STON1: variants seen among roughly 807,000 people sequenced by gnomAD.
STON1 encodes stonin 1, also known as stonin-1.
Under a neutral mutation model 60.9 loss-of-function variants are expected in STON1, and 79 were observed. The ratio of observed to expected loss-of-function variants is 1.30; its 90% CI spans 1.08 to 1.56. The LOEUF (loss-of-function observed/expected upper bound fraction) is 1.56. Among genes scored for constraint, STON1 ranks in the 40% most tolerant of loss-of-function variants. The pLI is 0.00. For synonymous variants in STON1, 363 were observed against 306.9 expected, an observed-to-expected ratio of 1.18 and a Z score of -1.91; for missense variants, 1,166 against 858.9, an observed-to-expected ratio of 1.36 and a Z score of -4.47.
chr2:48,538,080 A>G (rs1671503667), intron 1 of STON1, among the ~76,000 whole-genome samples: 1 of 151,548 alleles, frequency 6.6e-6, no homozygotes, highest in East Asian at 2.0e-4. Flanking sequence ...CAGCCTCCTT[A>G]GTAGCTGGGA....
intron 1 of STON1, among the ~76,000 whole-genome samples, chr2:48,558,536 A>G (rs1672477144): frequency 6.6e-6 from 1 of 152,232 alleles, no homozygotes; most frequent in Non-Finnish European, 1.5e-5. Context: ...TTAGGCAGCC[A>G]GAGAAGAGAT....
At position 48,582,472 on chromosome 2, in the gene STON1, T is replaced by A; in HGVS notation, c.1839T>A (p.Pro613=). The change falls in exon 2 of 4, where the codon CCT becomes CCA. Residue 613 remains proline, a synonymous_variant. Coordinates refer to ENST00000404752, the MANE Select transcript of STON1 (RefSeq NM_006873.4). ...GTTTACAGGAACTTGAATCTGAACC[T>A]GTCATTCAAGTCACTGTGGGGTCAG... ...LGSLQELESE[P]VIQVTVGSAK... The A allele has an allele frequency of 2.5e-6, 4 of 1,614,224 alleles. No homozygotes were observed. Among genetic ancestry groups the A allele is most frequent in the Non-Finnish European group, 3.4e-6 (4 of 1,180,038 alleles).
chr2:48,594,320 G>T (rs1194466830), intron 3 of STON1, among the ~76,000 whole-genome samples: 1 of 152,200 alleles, frequency 6.6e-6, no homozygotes, highest in Admixed American at 6.5e-5. Flanking sequence ...CACAGGGCAT[G>T]CCAGGTTCAT....
chr2:48,590,636 A>AAC (rs6146756), intron 2 of STON1, among the ~76,000 whole-genome samples: 11 of 142,118 alleles, frequency 7.7e-5, no homozygotes, highest in East Asian at 2.1e-4. Context: ...ATTTCCTTAT[A>AAC]ACACACACAC....
chr2:48,565,304 G>A (rs6709043), intron 1 of STON1, among the ~76,000 whole-genome samples: 49,764 of 151,534 alleles, frequency 0.33, 8,289 homozygotes, highest in East Asian at 0.4. Flanking sequence ...CACCCGCCTC[G>A]GCCTCCCAAA....
intron 2 of STON1, among the ~76,000 whole-genome samples, chr2:48,583,798 G>A (rs1432364121): frequency 1.3e-5 from 2 of 150,024 alleles, no homozygotes; most frequent in Admixed American, 1.3e-4. Context: ...TCTCACCCAG[G>A]TGGAGTGCGG....
intron 1 of STON1, among the ~76,000 whole-genome samples, chr2:48,539,752 C>T (rs760415293): frequency 2.0e-5 from 3 of 152,070 alleles, no homozygotes; most frequent in Admixed American, 6.6e-5. Context: ...GGATTACAGG[C>T]GTGAGCCACT....
At chr2:48,573,527 G>A (rs1673325339) in intron 1 of STON1, among the ~76,000 whole-genome samples, 1 of 152,166 alleles carries the variant, frequency 6.6e-6, no homozygotes, top group East Asian at 1.9e-4. Context: ...GAGTGACAGA[G>A]TGGTGCCCAG....
intron 1 of STON1, among the ~76,000 whole-genome samples, chr2:48,563,341 C>G (rs1455261802): frequency 1.3e-5 from 2 of 152,218 alleles, no homozygotes; most frequent in East Asian, 3.9e-4. Flanking sequence ...AGGTCAAAAG[C>G]AAGAGCTCAT....
chr2:48,539,753 G>A (rs1372018356), intron 1 of STON1, among the ~76,000 whole-genome samples: 3 of 152,026 alleles, frequency 2.0e-5, no homozygotes. Context: ...GATTACAGGC[G>A]TGAGCCACTG....
intron 2 of STON1, among the ~76,000 whole-genome samples, chr2:48,584,189 C>T (rs577880970): frequency 6.6e-6 from 1 of 152,178 alleles, no homozygotes; most frequent in East Asian, 1.9e-4. Flanking sequence ...TTAAGCTCAT[C>T]TAGGCCCCTC....
At chr2:48,537,418 G>A (rs749619479) in intron 1 of STON1, among the ~76,000 whole-genome samples, 5 of 152,130 alleles carry the variant, frequency 3.3e-5, no homozygotes, top group Admixed American at 3.3e-4. Context: ...GATAAGATGA[G>A]CGTATTAATT....
chr2:48,574,116 C>T (rs1396759176), intron 1 of STON1, among the ~76,000 whole-genome samples: 1 of 151,996 alleles, frequency 6.6e-6, no homozygotes, highest in Admixed American at 6.6e-5. Flanking sequence ...TGGCTCACAC[C>T]TGTAATCCCA....
At chr2:48,535,070 TTA>T (rs1421380647) in intron 1 of STON1, among the ~76,000 whole-genome samples, 2 of 152,052 alleles carry the variant, frequency 1.3e-5, no homozygotes, top group African/African-American at 4.8e-5. Context: ...ATCAGGCAAA[TTA>T]TGTCTTCAGA....
intron 1 of STON1, among the ~76,000 whole-genome samples, chr2:48,537,479 G>A (rs1476898901): frequency 6.6e-6 from 1 of 152,098 alleles, no homozygotes; most frequent in Non-Finnish European, 1.5e-5. Flanking sequence ...TATTCTGTAG[G>A]GTATCGGTTG....
chr2:48,572,526 C>T (rs1012609585), intron 1 of STON1, among the ~76,000 whole-genome samples: 1 of 152,106 alleles, frequency 6.6e-6, no homozygotes, highest in African/African-American at 2.4e-5. Context: ...AAGTAATGGG[C>T]TTGATTTCTT....
chr2:48,586,983 G>A (rs940918238), intron 2 of STON1, among the ~76,000 whole-genome samples: 1 of 152,160 alleles, frequency 6.6e-6, no homozygotes, highest in Non-Finnish European at 1.5e-5. Flanking sequence ...GTGGTGGATA[G>A]GTGGGCAATG....
intron 1 of STON1, among the ~76,000 whole-genome samples, chr2:48,554,716 T>TGGTAGTCTTTGAAATTCAATAAAG (rs1196623137): frequency 1.3e-4 from 11 of 82,200 alleles, no homozygotes; most frequent in South Asian, 3.6e-4. Context: ...AATTTTTTTT[T>TGGTAGTCTTTGAAATTCAATAAAG]TTTTTTTTTA....
At chr2:48,582,882 A>G (rs1024771562) in intron 2 of STON1, among the ~76,000 whole-genome samples, 1 of 152,206 alleles carries the variant, frequency 6.6e-6, no homozygotes, top group Non-Finnish European at 1.5e-5. Flanking sequence ...ATCAACTTCA[A>G]ATGTTAAAAA....
Sources: gnomAD v4.1 joint callset for allele counts (sites outside exome capture counted in the v4.1 genomes callset) on GRCh38, gnomAD v4.1.1 for gene constraint, MANE v1.5 for transcripts, NCBI Gene and HGNC (gene_info 2026-07-23, HGNC 2026-07-21) for gene names.